AKAP6: variants seen among roughly 807,000 people sequenced by gnomAD.
AKAP6 encodes A-kinase anchoring protein 6.
In AKAP6, 58 loss-of-function variants were observed where a neutral mutation model predicts 188.5. That is an observed-to-expected ratio of 0.31 (90% CI 0.25 to 0.38). The LOEUF (loss-of-function observed/expected upper bound fraction) is 0.38. Among genes scored for constraint, AKAP6 ranks in the 10% least tolerant of loss-of-function variants. AKAP6 has a pLI of 1.00. For synonymous variants in AKAP6, 989 were observed against 998.6 expected, an observed-to-expected ratio of 0.99 and a Z score of 0.18; for missense variants, 2,710 against 2,740.0, an observed-to-expected ratio of 0.99 and a Z score of 0.24.
chr14:32,351,237 A>G (rs1016261699), intron 1 of AKAP6, among the ~76,000 whole-genome samples: 3 of 152,194 alleles, frequency 2.0e-5, no homozygotes, highest in African/African-American at 7.2e-5. Flanking sequence ...AGAATCATTT[A>G]GGTGTTCCTA....
chr14:32,635,577 G>T (rs1887449587), intron 7 of AKAP6, among the ~76,000 whole-genome samples: 1 of 152,056 alleles, frequency 6.6e-6, no homozygotes, highest in South Asian at 2.1e-4. Flanking sequence ...AGCTACTGTT[G>T]TAGCTAGATT....
intron 12 of AKAP6, among the ~76,000 whole-genome samples, chr14:32,811,196 G>A (rs1218527848): frequency 2.9e-5 from 4 of 137,174 alleles, no homozygotes; most frequent in African/African-American, 8.2e-5. Context: ...CCGAGATTGC[G>A]CCACTGCACT....
chr14:32,694,508 T>C (rs199563649), intron 8 of AKAP6, among the ~76,000 whole-genome samples: 1 of 152,320 alleles, frequency 6.6e-6, no homozygotes, highest in East Asian at 1.9e-4. Context: ...ATGTGCATTG[T>C]AGTTTCAGAA....
intron 7 of AKAP6, among the ~76,000 whole-genome samples, chr14:32,631,460 G>T (rs1344548318): frequency 6.6e-6 from 1 of 151,932 alleles, no homozygotes; most frequent in Non-Finnish European, 1.5e-5. Flanking sequence ...TTTTAAATAG[G>T]TTTTACAAAT....
At chr14:32,811,198 C>A (rs1291788315) in intron 12 of AKAP6, among the ~76,000 whole-genome samples, 3 of 135,038 alleles carry the variant, frequency 2.2e-5, no homozygotes, top group Non-Finnish European at 4.7e-5. Context: ...GAGATTGCGC[C>A]ACTGCACTCC....
intron 4 of AKAP6, among the ~76,000 whole-genome samples, chr14:32,565,020 G>A (rs540639051): frequency 2.6e-5 from 4 of 152,260 alleles, no homozygotes; most frequent in Admixed American, 1.3e-4. Flanking sequence ...ACAGAATGAC[G>A]GACAGAGTGA....
rs771858451 is a variant in AKAP6, at chr14:32,822,687, T to C, written c.4874T>C (p.Val1625Ala). 3 of 1,614,002 alleles carry C rather than the reference T, an allele frequency of 1.9e-6. No homozygotes were observed. The highest frequency in any genetic ancestry group is 2.5e-6 in the Non-Finnish European group (3 of 1,179,938). The part of the protein sequence containing the change: ...SGDISVSSGS[V>A]GELSKRTLDL... ...GATATAAGCGTGAGCAGTGGCTCAG[T>C]TGGTGAACTAAGTAAAAGAACATTA... The change falls in exon 13 of 14, where the codon GTT becomes GCT. Residue 1625 changes from valine to alanine, a missense_variant. Transcript: ENST00000280979.
chr14:32,536,461 C>T (rs867557044), intron 3 of AKAP6, among the ~76,000 whole-genome samples: 3 of 152,010 alleles, frequency 2.0e-5, no homozygotes, highest in East Asian at 1.9e-4. Flanking sequence ...AACCAGGAGG[C>T]GGGATTTGGG....
chr14:32,558,390 A>G (rs576183582), intron 4 of AKAP6, among the ~76,000 whole-genome samples: 1 of 152,350 alleles, frequency 6.6e-6, no homozygotes, highest in African/African-American at 2.4e-5. Flanking sequence ...GTGCCAAGGG[A>G]AAATTCATGC....
At chr14:32,380,641 C>T (rs1246644932) in intron 1 of AKAP6, among the ~76,000 whole-genome samples, 1 of 152,130 alleles carries the variant, frequency 6.6e-6, no homozygotes, top group Admixed American at 6.5e-5. Context: ...AAAATTTCTG[C>T]CTCTCATAAG....
At chr14:32,578,579 A>G (rs1307578454) in intron 5 of AKAP6, among the ~76,000 whole-genome samples, 1 of 152,216 alleles carries the variant, frequency 6.6e-6, no homozygotes, top group Non-Finnish European at 1.5e-5. Flanking sequence ...TGTAAATTGT[A>G]TTAATTAGAA....
chr14:32,621,762 G>A (rs1886824066), intron 7 of AKAP6, among the ~76,000 whole-genome samples: 3 of 152,086 alleles, frequency 2.0e-5, no homozygotes, highest in South Asian at 4.1e-4. Context: ...AGTGCTATCA[G>A]TAGAGTTGAA....
At chr14:32,506,833 C>T (rs1880903808) in intron 2 of AKAP6, among the ~76,000 whole-genome samples, 2 of 152,038 alleles carry the variant, frequency 1.3e-5, no homozygotes, top group South Asian at 4.2e-4. Context: ...ACACCCAGCC[C>T]CTCATTTTAG....
At position 32,786,307 on chromosome 14, in the gene AKAP6, T is replaced by A. The variant is rs1449643538; in HGVS notation, c.3588+12414T>A. Among the ~76,000 whole-genome samples, 22 of 91,898 alleles carry A rather than the reference T, an allele frequency of 2.4e-4. 1 individual carries two copies. The East Asian group carries it at 2.9e-3, about 12-fold the overall frequency. 60.3% of individuals were successfully genotyped at this position (91,898 alleles called of 152,430 possible). A position where few individuals can be genotyped will look rare whatever the true frequency, so the allele number is the denominator to read the frequency against. On this transcript the variant is annotated intron_variant, in intron 12 of 13. Coordinates refer to ENST00000280979, the MANE Select transcript of AKAP6 (RefSeq NM_004274.5). Reference sequence around the variant, plus strand: ...AGACCTAAACCTTTATCTTTTTTTTTTTTTTTTTTTTTTTTTTTGAGACGG... The same window carrying A: ...AGACCTAAACCTTTATCTTTTTTTTATTTTTTTTTTTTTTTTTTGAGACGG...
In AKAP6 at chr14:32,811,533, T is replaced by C. The variant is rs550815412; in HGVS notation, c.3589-9869T>C. ...CATGGTTAGGTTACAACTGTAACTATGGGTCAGAAGGATGGGGACTTGCGT... is the reference window on the plus strand; with the variant it reads ...CATGGTTAGGTTACAACTGTAACTACGGGTCAGAAGGATGGGGACTTGCGT... On this transcript the variant is annotated intron_variant, in intron 12 of 13. Transcript: ENST00000280979. Among the ~76,000 whole-genome samples the C allele has an allele frequency of 1.4e-3, 210 of 152,268 alleles. 2 individuals carry two copies. The highest frequency in any genetic ancestry group is 4.8e-3 in the African/African-American group (200 of 41,558).
At chr14:32,395,392 A>T (rs905988747) in intron 1 of AKAP6, among the ~76,000 whole-genome samples, 3 of 152,162 alleles carry the variant, frequency 2.0e-5, no homozygotes, top group African/African-American at 7.2e-5. Context: ...CAAGAAAGTG[A>T]GGCACAGTGC....
At chr14:32,498,538 AC>A (rs761119616) in intron 2 of AKAP6, among the ~76,000 whole-genome samples, 19 of 152,150 alleles carry the variant, frequency 1.2e-4, no homozygotes, top group Non-Finnish European at 1.8e-4. Context: ...TGGCCTTAAA[AC>A]TTTTATTTTA....
At chr14:32,486,366 G>A (rs1253026496) in intron 2 of AKAP6, among the ~76,000 whole-genome samples, 1 of 152,194 alleles carries the variant, frequency 6.6e-6, no homozygotes, top group Admixed American at 6.5e-5. Flanking sequence ...GACGATGGTA[G>A]CTTGATGGGA....
intron 9 of AKAP6, among the ~76,000 whole-genome samples, chr14:32,710,617 A>G (rs1408586717): frequency 2.0e-5 from 3 of 152,036 alleles, no homozygotes; most frequent in Admixed American, 2.0e-4. Context: ...ACGAAAAAAA[A>G]CAGCCATGGC....
Sources: gnomAD v4.1 joint callset for allele counts (sites outside exome capture counted in the v4.1 genomes callset) on GRCh38, gnomAD v4.1.1 for gene constraint, MANE v1.5 for transcripts, NCBI Gene and HGNC (gene_info 2026-07-23, HGNC 2026-07-21) for gene names.